FSIP1: variants seen among roughly 807,000 people sequenced by gnomAD.
The protein encoded by FSIP1 is fibrous sheath interacting protein 1, also known as fibrous sheath-interacting protein 1.
FSIP1 carries 65 observed loss-of-function variants against 60.9 expected under a neutral mutation model. The observed-to-expected ratio is 1.07, with a 90% confidence interval of 0.87 to 1.31. The LOEUF (loss-of-function observed/expected upper bound fraction) is 1.31, where lower values mean the gene tolerates loss of function less well. FSIP1 is among the 40% of genes most tolerant of loss of function. The pLI, the probability that FSIP1 is intolerant of heterozygous loss-of-function variation, is 0.00. For synonymous variants in FSIP1, 209 were observed against 221.2 expected, an observed-to-expected ratio of 0.94 and a Z score of 0.49; for missense variants, 675 against 665.5, an observed-to-expected ratio of 1.01 and a Z score of -0.16.
chr15:39,690,765 C>T (rs1193800396), intron 10 of FSIP1, among the ~76,000 whole-genome samples: 1 of 152,178 alleles, frequency 6.6e-6, no homozygotes, highest in Non-Finnish European at 1.5e-5. Context: ...CTTGGGATCC[C>T]AGGGGACTGC....
chr15:39,721,373 CT>C (rs1258992699), intron 9 of FSIP1, among the ~76,000 whole-genome samples: 9 of 152,296 alleles, frequency 5.9e-5, no homozygotes, highest in Admixed American at 5.2e-4. Flanking sequence ...AATATCATGC[CT>C]TCATCAAATA....
intron 10 of FSIP1, among the ~76,000 whole-genome samples, chr15:39,676,267 C>A (rs1893937304): frequency 6.6e-6 from 1 of 151,858 alleles, no homozygotes; most frequent in Non-Finnish European, 1.5e-5. Flanking sequence ...GGTGTATTAT[C>A]CTGAAAAAGC....
At chr15:39,621,611 A>T in intron 10 of FSIP1, among the ~76,000 whole-genome samples, 1 of 152,272 alleles carries the variant, frequency 6.6e-6, no homozygotes, top group East Asian at 1.9e-4. Flanking sequence ...ACTAAAAATA[A>T]AAATAAATTT....
intron 10 of FSIP1, among the ~76,000 whole-genome samples, chr15:39,682,082 T>C (rs897845256): frequency 6.6e-6 from 1 of 152,202 alleles, no homozygotes; most frequent in African/African-American, 2.4e-5. Context: ...GCATATTATA[T>C]AGAAATGCAA....
chr15:39,724,716 GACTTC>G (rs1896121479), intron 9 of FSIP1, among the ~76,000 whole-genome samples: 3 of 152,246 alleles, frequency 2.0e-5, no homozygotes, highest in South Asian at 4.2e-4. Flanking sequence ...GGACTTCACA[GACTTC>G]ACTTCATTTG....
At chr15:39,661,437 T>C (rs1893291774) in intron 10 of FSIP1, among the ~76,000 whole-genome samples, 1 of 152,230 alleles carries the variant, frequency 6.6e-6, no homozygotes, top group Admixed American at 6.5e-5. Context: ...GATTATTTTG[T>C]ACAATCTTAT....
intron 10 of FSIP1, among the ~76,000 whole-genome samples, chr15:39,662,042 T>A (rs1893316010): frequency 6.6e-6 from 1 of 152,146 alleles, no homozygotes; most frequent in South Asian, 2.1e-4. Flanking sequence ...GTCACAGGAC[T>A]AACTAGAAGC....
chr15:39,743,752 G>A (rs1896883477), intron 5 of FSIP1, among the ~76,000 whole-genome samples: 1 of 152,122 alleles, frequency 6.6e-6, no homozygotes, highest in South Asian at 2.1e-4. Context: ...TGAGCATCAG[G>A]ACAATCACCG....
intron 4 of FSIP1, 120 bp downstream of exon 4, chr15:39,765,472 G>T (rs979032264): frequency 4.6e-6 from 3 of 646,932 alleles, no homozygotes; most frequent in Admixed American, 3.7e-5. Context: ...TCAAACTCCT[G>T]GCCTCAAGCA....
intron 10 of FSIP1, among the ~76,000 whole-genome samples, chr15:39,663,401 C>T (rs1186722242): frequency 1.3e-5 from 2 of 152,074 alleles, no homozygotes; most frequent in Non-Finnish European, 2.9e-5. Context: ...TGTATCTAAA[C>T]AGATACAAAT....
chr15:39,743,848 C>T (rs1896887672), intron 5 of FSIP1, among the ~76,000 whole-genome samples: 1 of 152,084 alleles, frequency 6.6e-6, no homozygotes, highest in African/African-American at 2.4e-5. Context: ...TGAACCTAAC[C>T]GAGCAGAAAC....
intron 9 of FSIP1, among the ~76,000 whole-genome samples, chr15:39,726,071 C>T (rs1896182417): frequency 1.3e-5 from 2 of 152,164 alleles, no homozygotes; most frequent in South Asian, 4.1e-4. Context: ...GGATTATAGG[C>T]ATGAGCCACC....
At chr15:39,710,470 A>C (rs1051351166) in intron 10 of FSIP1, among the ~76,000 whole-genome samples, 1 of 151,766 alleles carries the variant, frequency 6.6e-6, no homozygotes, top group African/African-American at 2.4e-5. Context: ...AACATAAAAC[A>C]GTACAGATCA....
intron 8 of FSIP1, among the ~76,000 whole-genome samples, chr15:39,727,218 C>A (rs1018473627): frequency 6.6e-6 from 1 of 152,188 alleles, no homozygotes; most frequent in Non-Finnish European, 1.5e-5. Context: ...AATGTTTGTT[C>A]CATATTATCT....
chr15:39,750,944 A>G (rs1291602001), intron 5 of FSIP1, among the ~76,000 whole-genome samples: 1 of 151,996 alleles, frequency 6.6e-6, no homozygotes, highest in African/African-American at 2.4e-5. Context: ...TAGCAAGAAA[A>G]CATAGCCTGA....
intron 1 of FSIP1, among the ~76,000 whole-genome samples, chr15:39,778,600 A>G (rs891703080): frequency 2.0e-5 from 3 of 152,224 alleles, no homozygotes; most frequent in Non-Finnish European, 4.4e-5. Flanking sequence ...CAAGAAAAAT[A>G]AAGCATTGTA....
chr15:39,625,451 A>G (rs2140393161), intron 10 of FSIP1, among the ~76,000 whole-genome samples: 1 of 152,304 alleles, frequency 6.6e-6, no homozygotes, highest in South Asian at 2.1e-4. Flanking sequence ...CAGGAGAGCC[A>G]GACTGTGCTT....
At chr15:39,779,994 G>T (rs1462198517) in intron 1 of FSIP1, among the ~76,000 whole-genome samples, 1 of 151,964 alleles carries the variant, frequency 6.6e-6, no homozygotes, top group African/African-American at 2.4e-5. Context: ...TTATATATTT[G>T]TGTATCTGTA....
chr15:39,764,016 G>T, intron 4 of FSIP1, 102 bp from the exon 5 acceptor site: 1 of 655,762 alleles, frequency 1.5e-6, no homozygotes, highest in South Asian at 1.9e-5. Context: ...ACGTACAAAC[G>T]AGAAGTCTCA....
Sources: allele counts gnomAD v4.1 joint callset (sites outside exome capture counted in the v4.1 genomes callset), GRCh38; gene constraint gnomAD v4.1.1; transcripts MANE v1.5; gene names NCBI Gene and HGNC (gene_info 2026-07-23, HGNC 2026-07-21).